NPAS3: variants seen among roughly 807,000 people sequenced by gnomAD.
NPAS3 encodes the protein neuronal PAS domain-containing protein 3.
Under a neutral mutation model 73.1 loss-of-function variants are expected in NPAS3, and 14 were observed. The ratio of observed to expected loss-of-function variants is 0.19; its 90% CI spans 0.13 to 0.30. NPAS3 has a LOEUF of 0.30. Ranked by LOEUF, NPAS3 falls within the 10% of genes least tolerant of loss-of-function variation. The pLI, the probability that NPAS3 is intolerant of heterozygous loss-of-function variation, is 1.00. For missense variants in NPAS3, 1,096 were observed against 1,250.0 expected, an observed-to-expected ratio of 0.88 and a Z score of 1.86; for synonymous variants, 620 against 541.5, an observed-to-expected ratio of 1.14 and a Z score of -2.01.
upstream of NPAS3, among the ~76,000 whole-genome samples, chr14:32,938,469 G>GAGAGAGAAATTGAC (rs1273158619): frequency 8.0e-6 from 1 of 124,568 alleles, no homozygotes. Flanking sequence ...GAGAGAGAGA[G>GAGAGAGAAATTGAC]AGAGAGAGAG....
chr14:33,244,714 T>C lies in NPAS3; in HGVS notation c.385+29288T>C, dbSNP rs1035408652. Among the ~76,000 whole-genome samples the C allele has an allele frequency of 2.6e-5, 4 of 152,290 alleles. No homozygotes were observed. The South Asian group carries it at 8.3e-4, about 32-fold the overall frequency. On this transcript the variant is annotated intron_variant, in intron 3 of 11. Transcript: ENST00000356141. The stretch of plus-strand genomic sequence containing the variant: ...TTGACCGGTTCTCTACTCTTTCTTC[T>C]ATACCACTTTACCAGAGCCTTTAAT...
intron 3 of NPAS3, among the ~76,000 whole-genome samples, chr14:33,222,059 C>CA (rs776572743): frequency 1.6e-4 from 24 of 151,886 alleles, no homozygotes; most frequent in Non-Finnish European, 2.9e-4. Context: ...TATGACTGGA[C>CA]AAAAAAGGCA....
chr14:33,691,339 A>G (rs1197191576), intron 6 of NPAS3, among the ~76,000 whole-genome samples: 1 of 152,238 alleles, frequency 6.6e-6, no homozygotes. Flanking sequence ...ATTCCAAATC[A>G]GATACATTCT....
chr14:33,213,421 T>C (rs2139666460), intron 2 of NPAS3, among the ~76,000 whole-genome samples: 1 of 152,296 alleles, frequency 6.6e-6, no homozygotes, highest in South Asian at 2.1e-4. Flanking sequence ...ATAAGTTACT[T>C]TTATTCTGTA....
At chr14:33,629,878 A>G (rs1002658840) in intron 5 of NPAS3, among the ~76,000 whole-genome samples, 2 of 152,128 alleles carry the variant, frequency 1.3e-5, no homozygotes, top group African/African-American at 4.8e-5. Context: ...GCTCATGATT[A>G]AAATATCTCT....
intron 1 of NPAS3, among the ~76,000 whole-genome samples, chr14:33,020,696 A>C (rs965485094): frequency 1.3e-5 from 2 of 152,040 alleles, no homozygotes; most frequent in Non-Finnish European, 2.9e-5. Flanking sequence ...CAATCTTTAA[A>C]AAATATTGGT....
chr14:32,962,569 C>CTTTTTTTTTTTTTTTTT (rs71432096), intron 1 of NPAS3, among the ~76,000 whole-genome samples: 36 of 110,608 alleles, frequency 3.3e-4, no homozygotes, highest in Non-Finnish European at 4.1e-4. Context: ...TTTTTCTTTT[C>CTTTTTTTTTTTTTTTTT]TTTTTTTTTT....
rs116534220 is a variant in NPAS3 at position 33,221,060 on chromosome 14, C to T, written c.385+5634C>T. ...ATTGGCAAGTCTAGACTGGGCTCAG[C>T]GGGTGCCTCTGCTTTGTGCTACAGC... is the stretch of plus-strand genomic sequence containing the variant. On this transcript the variant is annotated intron_variant, in intron 3 of 11. Coordinates refer to ENST00000356141, the Ensembl canonical transcript of NPAS3. Among the ~76,000 whole-genome samples the T allele has an allele frequency of 5.6e-3, 847 of 152,326 alleles. 12 individuals carry two copies. The highest frequency in any genetic ancestry group is 0.019 in the African/African-American group (810 of 41,568).
Position 33,582,970 on chromosome 14 carries a change from G to GTTTTTTTTTTTTTTT in NPAS3, c.558+22762_558+22776dup, listed in dbSNP as rs55885070. ...TCCTTTGGACCTAGATATTTAAAGG[G>GTTTTTTTTTTTTTTT]TTTTTTTTTTTTTTTTGGCTACTGG... On this transcript the variant is annotated intron_variant, in intron 5 of 11. Transcript: ENST00000356141. Among the ~76,000 whole-genome samples, 159 of 93,252 alleles carry GTTTTTTTTTTTTTTT rather than the reference G, an allele frequency of 1.7e-3. 16 individuals are homozygous for GTTTTTTTTTTTTTTT. The highest frequency in any genetic ancestry group is 0.011 in the African/African-American group (143 of 12,758). The allele number at this position is 93,252 out of a possible 152,430, so 61.2% of individuals were successfully genotyped here.
intron 4 of NPAS3, among the ~76,000 whole-genome samples, chr14:33,516,465 C>G (rs541730461): frequency 6.6e-6 from 1 of 152,146 alleles, no homozygotes; most frequent in South Asian, 2.1e-4. Context: ...ATCGTAGCTA[C>G]GTGATTCTTT....
chr14:33,774,741 A>G (rs536677627), intron 8 of NPAS3, among the ~76,000 whole-genome samples: 1 of 152,342 alleles, frequency 6.6e-6, no homozygotes, highest in South Asian at 2.1e-4. Context: ...AATTAAATGA[A>G]TCGGGATACC....
rs372710252 is a variant in NPAS3, at chr14:33,023,256, A to AT, written c.51-32643dup. Among the ~76,000 whole-genome samples the AT allele has an allele frequency of 2.7e-4, 41 of 152,284 alleles. 1 individual carries two copies. Among genetic ancestry groups the AT allele is most frequent in the Admixed American group, 4.6e-4 (7 of 15,302 alleles). On this transcript the variant is annotated intron_variant, in intron 1 of 11. Transcript: ENST00000356141. ...TTTCAGAAAGAAATCTGTCTGCAGT[A>AT]TTTTTTGTGTGATATAAATATTACA...
intron 3 of NPAS3, among the ~76,000 whole-genome samples, chr14:33,222,195 C>G (rs947356618): frequency 6.6e-6 from 1 of 152,064 alleles, no homozygotes; most frequent in South Asian, 2.1e-4. Flanking sequence ...TAAGGGTCTT[C>G]AGGGAGGAGA....
chr14:33,162,075 G>T (rs1044083284), intron 2 of NPAS3, among the ~76,000 whole-genome samples: 1 of 152,156 alleles, frequency 6.6e-6, no homozygotes, highest in Non-Finnish European at 1.5e-5. Context: ...CACATGGCTG[G>T]CCCTGATGTA....
At chr14:32,962,129 C>G (rs947337328) in intron 1 of NPAS3, among the ~76,000 whole-genome samples, 1 of 152,056 alleles carries the variant, frequency 6.6e-6, no homozygotes, top group Non-Finnish European at 1.5e-5. Flanking sequence ...GAAACTGTTT[C>G]TATGTGGATT....
chr14:33,353,540 G>A (rs1566824319), intron 3 of NPAS3, among the ~76,000 whole-genome samples: 1 of 152,234 alleles, frequency 6.6e-6, no homozygotes, highest in Non-Finnish European at 1.5e-5. Context: ...TGAGCAAAGT[G>A]ATGGATAGTA....
At chr14:33,526,831 GAGGGTTGC>G (rs2053823037) in intron 4 of NPAS3, among the ~76,000 whole-genome samples, 1 of 152,064 alleles carries the variant, frequency 6.6e-6, no homozygotes, top group Non-Finnish European at 1.5e-5. Context: ...CAGGCAGTAG[GAGGGTTGC>G]CCAGCCCTTC....
intron 5 of NPAS3, among the ~76,000 whole-genome samples, chr14:33,607,450 A>G (rs1197791234): frequency 6.6e-6 from 1 of 152,032 alleles, no homozygotes; most frequent in African/African-American, 2.4e-5. Context: ...AAATTCTAGG[A>G]AATGCAAGTT....
intron 1 of NPAS3, among the ~76,000 whole-genome samples, chr14:32,946,226 C>T (rs2036243264): frequency 6.6e-6 from 1 of 152,108 alleles, no homozygotes; most frequent in Non-Finnish European, 1.5e-5. Flanking sequence ...AACAGGTACT[C>T]TTCTGAGAGC....
Sources: gnomAD v4.1 joint callset for allele counts (sites outside exome capture counted in the v4.1 genomes callset) on GRCh38, gnomAD v4.1.1 for gene constraint, MANE v1.5 for transcripts, NCBI Gene and HGNC (gene_info 2026-07-23, HGNC 2026-07-21) for gene names.